MIA2: variants seen among roughly 807,000 people sequenced by gnomAD.
MIA2 encodes melanoma inhibitory activity protein 2.
In MIA2, 127 loss-of-function variants were observed where a neutral mutation model predicts 167.8. The observed-to-expected ratio is 0.76, with a 90% CI of 0.66 to 0.88. MIA2 has a LOEUF of 0.88. Among genes scored for constraint, MIA2 ranks in the 40% least tolerant of loss-of-function variants. MIA2 has a pLI of 0.00. For missense variants in MIA2, 1,690 were observed against 1,624.7 expected (o/e 1.04, Z -0.69); for synonymous variants, 552 against 541.9 (o/e 1.02, Z -0.26).
chr14:39,365,919 A>G (rs1212079080), intron 23 of MIA2, among the ~76,000 whole-genome samples: 1 of 151,470 alleles, frequency 6.6e-6, no homozygotes, highest in Non-Finnish European at 1.5e-5. Context: ...CTTTACATTG[A>G]TATTTGTATG....
chr14:39,384,213 G>A (rs1231785264), intron 23 of MIA2, among the ~76,000 whole-genome samples: 1 of 152,100 alleles, frequency 6.6e-6, no homozygotes, highest in Non-Finnish European at 1.5e-5. Flanking sequence ...AAAAATCCTA[G>A]GGTCCTTAAG....
rs2055870705 is a variant in MIA2 at position 39,267,091 on chromosome 14, T to G, written c.1888-9843T>G. On this transcript the variant is annotated intron_variant, in intron 6 of 28. Coordinates refer to ENST00000640607, the MANE Select transcript of MIA2 (RefSeq NM_001329214.4). ...AACGACCCGGACACGTCTGCGAAGC[T>G]TGCGCGAAGAAGGGGAAGTTTGCGG... 3.6e-6 allele frequency: 4 copies of G among 1,107,178 alleles called. No individual in the cohort carries two copies. The South Asian group carries it at 7.3e-5, about 20-fold the overall frequency. 68.6% of individuals were successfully genotyped at this position (1,107,178 alleles called of 1,614,324 possible). A position where few individuals can be genotyped will look rare whatever the true frequency, so the allele number is the denominator to read the frequency against.
intron 25 of MIA2, among the ~76,000 whole-genome samples, chr14:39,343,801 A>G (rs2153062709): frequency 6.6e-6 from 1 of 152,190 alleles, no homozygotes; most frequent in South Asian, 2.1e-4. Flanking sequence ...GTGTATGTGT[A>G]TATGTGCATA....
chr14:39,316,865 A>G (rs75751780), intron 21 of MIA2, among the ~76,000 whole-genome samples: 181 of 152,302 alleles, frequency 1.2e-3, no homozygotes, highest in African/African-American at 4.2e-3. Context: ...GGGCAGCAGG[A>G]ACATCTTACA....
intron 3 of MIA2, among the ~76,000 whole-genome samples, chr14:39,243,312 C>T (rs1268417670): frequency 6.6e-6 from 1 of 152,030 alleles, no homozygotes; most frequent in Admixed American, 6.6e-5. Flanking sequence ...CCCCACATTT[C>T]TCATTGTATC....
rs1214210439 is a variant in MIA2 at position 39,247,534 on chromosome 14, T to C, written c.960T>C (p.Phe320=). Residue 320 remains phenylalanine, a synonymous_variant, in exon 4 of 29, where the codon TTT becomes TTC. Transcript: ENST00000640607. ...GAGGATTTACAAGTTATTTAGGTTT[T>C]GGAGATGAGGATACAGGGCTTGAAT... ...FGGGFTSYLG[F]GDEDTGLELI... The C allele has an allele frequency of 6.2e-7, 1 of 1,614,034 alleles. No homozygotes were observed. The highest frequency in any genetic ancestry group is 1.1e-5 in the South Asian group (1 of 91,074).
chr14:39,327,608 A>C (rs555911238), intron 25 of MIA2, among the ~76,000 whole-genome samples: 9 of 140,652 alleles, frequency 6.4e-5, no homozygotes, highest in African/African-American at 1.0e-4. Flanking sequence ...TCCTAATGCT[A>C]TCCTCCCCTG....
Position 39,326,843 on chromosome 14 carries a change from TG to T in MIA2, c.3497-20del, listed in dbSNP as rs756570132. On this transcript the variant is annotated intron_variant, in intron 24 of 28. Coordinates refer to ENST00000640607, the MANE Select transcript of MIA2 (RefSeq NM_001329214.4). Reference sequence around the variant, plus strand: ...CTTTTTAAGATGAAACAGATTTGTATGTTTTTTTTTCTTTAATTAGGCTCAC... The same window carrying T: ...CTTTTTAAGATGAAACAGATTTGTATTTTTTTTTTCTTTAATTAGGCTCAC... The T allele has an allele frequency of 1.1e-5, 16 of 1,422,522 alleles. No individual in the cohort carries two copies. The East Asian group carries it at 3.8e-4, about 34-fold the overall frequency. 88.1% of individuals were successfully genotyped at this position (1,422,522 alleles called of 1,614,324 possible).
At chr14:39,280,945 G>GTC (rs71130836) in intron 9 of MIA2, among the ~76,000 whole-genome samples, 4,412 of 118,702 alleles carry the variant, frequency 0.037, 103 homozygotes, top group Non-Finnish European at 0.058. Context: ...TTGAGACAGC[G>GTC]TCTCTCTCTC....
chr14:39,333,787 C>G (rs999194402), intron 25 of MIA2, among the ~76,000 whole-genome samples: 1 of 152,114 alleles, frequency 6.6e-6, no homozygotes, highest in Admixed American at 6.5e-5. Flanking sequence ...GAGAGTCAGT[C>G]TGAATTTACT....
chr14:39,273,609 T>C (rs1046569499), intron 6 of MIA2, among the ~76,000 whole-genome samples: 3 of 151,442 alleles, frequency 2.0e-5, no homozygotes, highest in African/African-American at 4.9e-5. Flanking sequence ...GTTTTTTTTT[T>C]CTCTTCATTT....
intron 27 of MIA2, among the ~76,000 whole-genome samples, chr14:39,348,456 A>G (rs1286797219): frequency 6.6e-6 from 1 of 152,218 alleles, no homozygotes; most frequent in African/African-American, 2.4e-5. Flanking sequence ...ATTTGATACA[A>G]TAGTATATAT....
intron 25 of MIA2, among the ~76,000 whole-genome samples, chr14:39,327,277 T>G (rs1388794177): frequency 6.6e-6 from 1 of 152,226 alleles, no homozygotes; most frequent in Non-Finnish European, 1.5e-5. Context: ...GCATGTTTAC[T>G]TTAGAAAATC....
chr14:39,284,654 T>G (rs61998555), intron 9 of MIA2, among the ~76,000 whole-genome samples: 3 of 152,078 alleles, frequency 2.0e-5, no homozygotes, highest in African/African-American at 7.2e-5. Context: ...TTTTATACTT[T>G]TCAGTGTGCA....
intron 17 of MIA2, among the ~76,000 whole-genome samples, chr14:39,307,367 AAAT>A (rs2152912116): frequency 6.6e-6 from 1 of 151,488 alleles, no homozygotes; most frequent in African/African-American, 2.4e-5. Flanking sequence ...GGAATCCTAT[AAAT>A]AATAACAAAA....
At chr14:39,337,665 G>A (rs2070748416) in intron 25 of MIA2, among the ~76,000 whole-genome samples, 1 of 152,078 alleles carries the variant, frequency 6.6e-6, no homozygotes, top group South Asian at 2.1e-4. Flanking sequence ...CTCAATGGTT[G>A]AGTGAAGAAA....
rs1305593643 is a variant in MIA2, at chr14:39,294,977, C to G, written c.2444C>G (p.Ala815Gly). 5 of 1,613,874 alleles carry G rather than the reference C, an allele frequency of 3.1e-6. No homozygotes were observed. Among genetic ancestry groups the G allele is most frequent in the Non-Finnish European group, 4.2e-6 (5 of 1,179,874 alleles). Residue 815 changes from alanine (A) to glycine (G), a missense_variant, in exon 13 of 29, where the codon GCA becomes GGA. By Grantham distance (60) the Ala-to-Gly change is moderately conservative (BLOSUM62 0). Transcript: ENST00000640607. Reference sequence around the variant, plus strand: ...ATGAATGAAGAACGACTGAAGATAGCAATAAAAGATGCTTTGAATGAAAAT... The same window carrying G: ...ATGAATGAAGAACGACTGAAGATAGGAATAAAAGATGCTTTGAATGAAAAT... ...FQMNEERLKI[A>G]IKDALNENSQ... is the part of the protein sequence containing the mutation.
chr14:39,327,119 CTT>C, intron 25 of MIA2, 97 bp downstream of exon 25: 1 of 943,244 alleles, frequency 1.1e-6, no homozygotes, highest in Non-Finnish European at 1.5e-6. Context: ...TTTGTTCTCT[CTT>C]AAGAAAAATC....
chr14:39,350,466 C>G lies in MIA2; in HGVS notation c.*202C>G. ...TTCAATTTTATTTTAGACGGTATAA[C>G]TATTTCAATTTGATTAATCCACTAT... On this transcript the variant is annotated 3_prime_UTR_variant, in exon 29 of 29. Transcript: ENST00000640607. 4.8e-6 allele frequency: 2 copies of G among 419,814 alleles called. No individual in the cohort carries two copies. 26.0% of individuals were successfully genotyped at this position (419,814 alleles called of 1,614,324 possible). A position where few individuals can be genotyped will look rare whatever the true frequency, so the allele number is the denominator to read the frequency against.
Sources: gnomAD v4.1 joint callset for allele counts (sites outside exome capture counted in the v4.1 genomes callset) on GRCh38, gnomAD v4.1.1 for gene constraint, MANE v1.5 for transcripts, NCBI Gene and HGNC (gene_info 2026-07-23, HGNC 2026-07-21) for gene names.